The following PRKAR2A variants were observed in gnomAD, a reference collection of about 807,000 sequenced individuals.
PRKAR2A encodes the protein protein kinase cAMP-dependent type II regulatory subunit alpha.
Under a neutral mutation model 51.9 loss-of-function variants are expected in PRKAR2A, and 29 were observed. The ratio of observed to expected loss-of-function variants is 0.56; its 90% CI spans 0.42 to 0.76. The LOEUF is 0.76. PRKAR2A is among the 30% of genes least tolerant of loss of function. The pLI is 0.00. For synonymous variants in PRKAR2A, 178 were observed against 186.2 expected (o/e 0.96, Z 0.36); for missense variants, 445 against 512.1 (o/e 0.87, Z 1.26).
intron 1 of PRKAR2A, among the ~76,000 whole-genome samples, chr3:48,840,702 G>A (rs1458643128): frequency 7.3e-6 from 1 of 137,552 alleles, no homozygotes; most frequent in African/African-American, 2.7e-5. Context: ...TCAGCCTCCC[G>A]AGTAGCTGGG....
intron 1 of PRKAR2A, among the ~76,000 whole-genome samples, chr3:48,815,557 G>A (rs372833557): frequency 2.6e-5 from 4 of 151,712 alleles, no homozygotes; most frequent in Non-Finnish European, 4.4e-5. Flanking sequence ...TTAGCCAGGC[G>A]TGGTGGCGGG....
chr3:48,806,526 A>G (rs1182537217), intron 2 of PRKAR2A, among the ~76,000 whole-genome samples: 1 of 152,070 alleles, frequency 6.6e-6, no homozygotes, highest in Non-Finnish European at 1.5e-5. Context: ...ATATTTACTG[A>G]GTGCCTATGT....
intron 1 of PRKAR2A, among the ~76,000 whole-genome samples, chr3:48,814,031 C>T (rs1192242636): frequency 5.3e-5 from 8 of 151,988 alleles, no homozygotes; most frequent in African/African-American, 1.7e-4. Flanking sequence ...GGGTGGGTCA[C>T]GAGGTCAAGA....
At chr3:48,781,443 G>T (rs1378103842) in intron 5 of PRKAR2A, among the ~76,000 whole-genome samples, 2 of 151,848 alleles carry the variant, frequency 1.3e-5, no homozygotes, top group Admixed American at 1.3e-4. Flanking sequence ...CCAGGTTCAA[G>T]CAACTCTCCT....
intron 2 of PRKAR2A, among the ~76,000 whole-genome samples, chr3:48,805,923 A>T (rs534941807): frequency 6.6e-6 from 1 of 152,330 alleles, no homozygotes; most frequent in East Asian, 1.9e-4. Context: ...GCAGAGGGCC[A>T]AACAAACTAA....
chr3:48,808,504 T>G (rs1489515330), intron 1 of PRKAR2A, among the ~76,000 whole-genome samples: 3 of 152,080 alleles, frequency 2.0e-5, no homozygotes, highest in Non-Finnish European at 4.4e-5. Context: ...CCACCCACCT[T>G]GGCCTCCCAA....
intron 8 of PRKAR2A, among the ~76,000 whole-genome samples, chr3:48,758,234 G>A (rs1419128829): frequency 6.6e-6 from 1 of 150,450 alleles, no homozygotes; most frequent in Non-Finnish European, 1.5e-5. Flanking sequence ...CTCCAGCCTG[G>A]GCAAAAGAGT....
intron 8 of PRKAR2A, among the ~76,000 whole-genome samples, chr3:48,757,794 G>A (rs1051172567): frequency 6.6e-6 from 1 of 151,420 alleles, no homozygotes; most frequent in Non-Finnish European, 1.5e-5. Context: ...GGTGGCTCAC[G>A]CCTGTAATCC....
chr3:48,777,016 C>T (rs968335281), intron 5 of PRKAR2A, among the ~76,000 whole-genome samples: 3 of 152,086 alleles, frequency 2.0e-5, no homozygotes, highest in African/African-American at 7.2e-5. Flanking sequence ...CCTCTTCTGC[C>T]CCATATCTGG....
intron 1 of PRKAR2A, among the ~76,000 whole-genome samples, chr3:48,846,099 G>A (rs2083457151): frequency 6.6e-6 from 1 of 152,094 alleles, no homozygotes; most frequent in Admixed American, 6.6e-5. Context: ...GATAAATCCT[G>A]ACACAGCAAG....
intron 6 of PRKAR2A, among the ~76,000 whole-genome samples, chr3:48,772,710 G>A (rs1425608349): frequency 4.0e-5 from 6 of 151,780 alleles, no homozygotes; most frequent in Non-Finnish European, 5.9e-5. Flanking sequence ...GCGCGATCTC[G>A]GCTCACTGCA....
At chr3:48,746,070 GAAC>G (rs954081408), downstream of PRKAR2A, among the ~76,000 whole-genome samples, 8 of 152,054 alleles carry the variant, frequency 5.3e-5, no homozygotes, top group Non-Finnish European at 1.2e-4. Context: ...TTTTGGACAA[GAAC>G]AACAACATTG....
chr3:48,841,807 T>C (rs746616342), intron 1 of PRKAR2A, among the ~76,000 whole-genome samples: 2 of 152,120 alleles, frequency 1.3e-5, no homozygotes, highest in Non-Finnish European at 2.9e-5. Flanking sequence ...CATTTATTAT[T>C]TGTAAATAGA....
chr3:48,824,806 C>G (rs1284999836), intron 1 of PRKAR2A, among the ~76,000 whole-genome samples: 1 of 151,510 alleles, frequency 6.6e-6, no homozygotes, highest in African/African-American at 2.4e-5. Flanking sequence ...ATTAGTCAGG[C>G]ATCATGGCAC....
In PRKAR2A at chr3:48,751,341, G is replaced by A. The variant is rs1453627133; in HGVS notation, c.*244C>T. On this transcript the variant is annotated 3_prime_UTR_variant, in exon 11 of 11. Transcript: ENST00000265563. ...TTTGAACCAAAGATATAAAAACTGG[G>A]TTGGAGTAATCTTTACAAGTGGTCT... 1 of 655,712 alleles carries A rather than the reference G, an allele frequency of 1.5e-6. No individual in the cohort carries two copies. Among genetic ancestry groups the A allele is most frequent in the South Asian group, 1.5e-5 (1 of 66,380 alleles). The allele number at this position is 655,712 out of a possible 1,614,324, so 40.6% of individuals were successfully genotyped here.
chr3:48,777,280 G>A (rs534008122), intron 5 of PRKAR2A, among the ~76,000 whole-genome samples: 1 of 152,246 alleles, frequency 6.6e-6, no homozygotes, highest in Admixed American at 6.5e-5. Context: ...TATATGTAGT[G>A]TCATCAGTCT....
chr3:48,766,139 C>T (rs917611594), intron 6 of PRKAR2A, among the ~76,000 whole-genome samples: 2 of 151,704 alleles, frequency 1.3e-5, no homozygotes, highest in African/African-American at 4.8e-5. Flanking sequence ...CTCACCAGAG[C>T]CTGAGAGGTC....
intron 2 of PRKAR2A, among the ~76,000 whole-genome samples, chr3:48,802,022 G>C (rs2082598347): frequency 6.6e-6 from 1 of 152,140 alleles, no homozygotes; most frequent in Non-Finnish European, 1.5e-5. Flanking sequence ...CGATTCTCCT[G>C]CCTCAGCCTC....
intron 1 of PRKAR2A, among the ~76,000 whole-genome samples, chr3:48,825,545 G>A (rs2083049785): frequency 6.6e-6 from 1 of 152,112 alleles, no homozygotes; most frequent in Admixed American, 6.5e-5. Context: ...CTGGGAGGCT[G>A]AGGCACAAGA....
Sources: allele counts gnomAD v4.1 joint callset (sites outside exome capture counted in the v4.1 genomes callset), GRCh38; gene constraint gnomAD v4.1.1; transcripts MANE v1.5; gene names NCBI Gene and HGNC (gene_info 2026-07-23, HGNC 2026-07-21).